ACBD6: variants seen among roughly 807,000 people sequenced by gnomAD.
The protein encoded by ACBD6 is acyl-CoA-binding domain-containing protein 6.
A neutral mutation model predicts 37.2 loss-of-function variants in ACBD6; 28 were observed. That is an observed-to-expected ratio of 0.75 (90% CI 0.56 to 1.03). ACBD6 has a LOEUF of 1.03. ACBD6 is among the 50% of genes least tolerant of loss of function. The pLI is 0.00. For synonymous variants in ACBD6, 113 were observed against 126.8 expected, an observed-to-expected ratio of 0.89 and a Z score of 0.73; for missense variants, 340 against 337.4, an observed-to-expected ratio of 1.01 and a Z score of -0.06.
intron 7 of ACBD6, among the ~76,000 whole-genome samples, chr1:180,301,465 G>A (rs1650126679): frequency 6.6e-6 from 1 of 152,102 alleles, no homozygotes; most frequent in Non-Finnish European, 1.5e-5. Context: ...AAAATCATAA[G>A]ATAAAATACA....
intron 6 of ACBD6, among the ~76,000 whole-genome samples, chr1:180,316,147 T>C (rs1359206390): frequency 1.3e-5 from 2 of 152,148 alleles, no homozygotes; most frequent in African/African-American, 4.8e-5. Context: ...TAGTGAATAG[T>C]ATCTGAGTGA....
intron 5 of ACBD6, among the ~76,000 whole-genome samples, chr1:180,409,947 T>G (rs1647789085): frequency 6.6e-6 from 1 of 152,192 alleles, no homozygotes; most frequent in Admixed American, 6.5e-5. Context: ...ACTGCCAATT[T>G]GTGAATGTCA....
intron 6 of ACBD6, among the ~76,000 whole-genome samples, chr1:180,348,368 C>G (rs1026366010): frequency 1.3e-5 from 2 of 152,006 alleles, no homozygotes; most frequent in Non-Finnish European, 2.9e-5. Flanking sequence ...CACTTTTGGT[C>G]CAAAAAATGA....
chr1:180,405,373 T>C (rs550074522), intron 5 of ACBD6, among the ~76,000 whole-genome samples: 16 of 152,176 alleles, frequency 1.1e-4, no homozygotes, highest in African/African-American at 3.1e-4. Context: ...AAAGAATCAA[T>C]AGACTACGGA....
At position 180,397,509 on chromosome 1, in the gene ACBD6, C is replaced by T. The variant is rs200911700; in HGVS notation, c.663+7G>A. 727 of 1,610,308 alleles carry T rather than the reference C, an allele frequency of 4.5e-4. 2 individuals carry two copies. Among genetic ancestry groups the T allele is most frequent in the Non-Finnish European group, 5.8e-4 (687 of 1,176,628 alleles). On this transcript the variant is annotated splice_region_variant and intron_variant, in intron 6 of 7. Transcript: ENST00000367595. ...AAAAAATAAAAGCTCTTCTTTATCA[C>T]TCTTACCTGACAGTTAATGTCAGCT...
At chr1:180,440,875 C>T (rs1425407196) in intron 3 of ACBD6, among the ~76,000 whole-genome samples, 2 of 152,172 alleles carry the variant, frequency 1.3e-5, no homozygotes, top group Non-Finnish European at 2.9e-5. Flanking sequence ...TAGCATGTAT[C>T]GGTTCTTCAT....
chr1:180,373,797 T>C (rs978084917), intron 6 of ACBD6, among the ~76,000 whole-genome samples: 5 of 152,160 alleles, frequency 3.3e-5, no homozygotes, highest in African/African-American at 7.2e-5. Flanking sequence ...ACATAGTTTT[T>C]GGTATTTGAT....
chr1:180,420,330 G>C (rs566175018), intron 4 of ACBD6, among the ~76,000 whole-genome samples: 3 of 152,212 alleles, frequency 2.0e-5, no homozygotes, highest in African/African-American at 7.2e-5. Flanking sequence ...ATAACATGTA[G>C]ACAGTTTTCT....
chr1:180,342,561 C>T (rs1558258095), intron 6 of ACBD6, among the ~76,000 whole-genome samples: 1 of 151,780 alleles, frequency 6.6e-6, no homozygotes, highest in Admixed American at 6.6e-5. Context: ...GTCTGTTCAG[C>T]TTTAAATTAT....
exon 14 of ACBD6, chr1:180,271,766 A>AG: frequency 1.9e-6 from 3 of 1,570,114 alleles, no homozygotes; most frequent in South Asian, 1.1e-5. Context: ...CCGCCCGCCT[A>AG]GGGGGTCCTG....
chr1:180,275,950 G>A (rs904378207), intron 9 of ACBD6: 1 of 152,308 alleles, frequency 6.6e-6, no homozygotes, highest in Non-Finnish European at 1.5e-5. Flanking sequence ...TCCTGCGACA[G>A]ACTGCACTGC....
intron 3 of ACBD6, among the ~76,000 whole-genome samples, chr1:180,478,198 A>C (rs1206548669): frequency 2.6e-5 from 4 of 152,132 alleles, no homozygotes; most frequent in Non-Finnish European, 5.9e-5. Context: ...TGAAATTATT[A>C]TAATTTTACA....
intron 3 of ACBD6, among the ~76,000 whole-genome samples, chr1:180,431,338 A>C (rs1418917143): frequency 1.3e-5 from 2 of 152,090 alleles, no homozygotes; most frequent in Non-Finnish European, 2.9e-5. Context: ...AATAGAAACA[A>C]AGTTATAAAA....
chr1:180,459,708 T>C (rs576753880), intron 3 of ACBD6, among the ~76,000 whole-genome samples: 1 of 152,236 alleles, frequency 6.6e-6, no homozygotes, highest in Non-Finnish European at 1.5e-5. Context: ...AAAGTCAGTT[T>C]GTTATTTAAT....
chr1:180,492,999 A>G (rs569376979), intron 2 of ACBD6, among the ~76,000 whole-genome samples: 2 of 152,212 alleles, frequency 1.3e-5, no homozygotes, highest in Admixed American at 6.5e-5. Flanking sequence ...CTGTAATCCC[A>G]GCACTTTGGG....
intron 3 of ACBD6, among the ~76,000 whole-genome samples, chr1:180,444,296 A>C (rs1372066365): frequency 6.6e-6 from 1 of 151,992 alleles, no homozygotes; most frequent in Non-Finnish European, 1.5e-5. Context: ...CAAAAAAAAA[A>C]AAAAGAAAGT....
Position 180,444,527 on chromosome 1 carries a change from A to G in ACBD6, c.385-14265T>C, listed in dbSNP as rs200360146. The stretch of plus-strand genomic sequence containing the variant: ...AAATAACCTGCCATTATCAGATTGA[A>G]TCCAGAATAAAGATGCCAAAGATGC... On this transcript the variant is annotated intron_variant, in intron 3 of 7. Transcript: ENST00000367595. 3.9e-5 allele frequency among the ~76,000 whole-genome samples: 6 copies of G among 152,224 alleles called. No individual in the cohort carries two copies. The East Asian group carries it at 1.2e-3, about 29-fold the overall frequency.
chr1:180,298,193 G>GA (rs1435368630), intron 7 of ACBD6, among the ~76,000 whole-genome samples: 1 of 152,026 alleles, frequency 6.6e-6, no homozygotes, highest in Admixed American at 6.6e-5. Flanking sequence ...AAGTAGCTGT[G>GA]AAAAAAAGGC....
At chr1:180,292,065 T>C (rs140878561) in intron 7 of ACBD6, among the ~76,000 whole-genome samples, 2 of 152,340 alleles carry the variant, frequency 1.3e-5, no homozygotes, top group Admixed American at 1.3e-4. Flanking sequence ...CAATACAACA[T>C]TGGCTTGATT....
Sources: gnomAD v4.1 joint callset for allele counts (sites outside exome capture counted in the v4.1 genomes callset) on GRCh38, gnomAD v4.1.1 for gene constraint, MANE v1.5 for transcripts, NCBI Gene and HGNC (gene_info 2026-07-23, HGNC 2026-07-21) for gene names.